Variants in PARD3 observed in about 807,000 individuals in gnomAD.
The protein encoded by PARD3 is partitioning defective 3 homolog.
PARD3 carries 75 observed loss-of-function variants against 155.4 expected under a neutral mutation model. The observed-to-expected ratio is 0.48, with a 90% CI of 0.40 to 0.58. The LOEUF is 0.58. Ranked by LOEUF, PARD3 falls within the 20% of genes least tolerant of loss-of-function variation. The pLI is 0.00. For synonymous variants in PARD3, 576 were observed against 610.5 expected (o/e 0.94, Z 0.83); for missense variants, 1,642 against 1,721.7 (o/e 0.95, Z 0.82).
rs77109087 is a variant in PARD3 at position 34,378,176 on chromosome 10, G to A, written c.1400-70C>T. The A allele has an allele frequency of 3.2e-4, 363 of 1,144,526 alleles. No homozygotes were observed. In the African/African-American group the frequency reaches 5.4e-3, roughly 17 times the overall value. The allele number at this position is 1,144,526 out of a possible 1,614,324, so 70.9% of individuals were successfully genotyped here. A position where few individuals can be genotyped will look rare whatever the true frequency, so the allele number is the denominator to read the frequency against. Reference sequence around the variant, plus strand: ...TGAATTTTACAGGTGTATTGCACCAGTATACTCAACCTCAACTTGACATTT... The same window carrying A: ...TGAATTTTACAGGTGTATTGCACCAATATACTCAACCTCAACTTGACATTT... On this transcript the variant is annotated intron_variant, in intron 9 of 24. Transcript: ENST00000374788.
intron 13 of PARD3, 92 bp downstream of exon 13, chr10:34,359,978 AC>A: frequency 1.1e-6 from 1 of 908,604 alleles, no homozygotes. Flanking sequence ...AAATGAGAAA[AC>A]TTCTGTTAAC....
intron 18 of PARD3, among the ~76,000 whole-genome samples, chr10:34,333,054 CT>C (rs1835784931): frequency 6.6e-6 from 1 of 152,138 alleles, no homozygotes; most frequent in South Asian, 2.1e-4. Context: ...TGTCTATCAA[CT>C]TTCATAATTT....
At chr10:34,533,738 G>A (rs557981834) in intron 2 of PARD3, among the ~76,000 whole-genome samples, 3 of 151,670 alleles carry the variant, frequency 2.0e-5, no homozygotes, top group South Asian at 2.1e-4. Flanking sequence ...CCTGGGAGGC[G>A]GAGGTTACAG....
At chr10:34,430,200 T>C (rs143633877) in intron 5 of PARD3, among the ~76,000 whole-genome samples, 50 of 152,356 alleles carry the variant, frequency 3.3e-4, no homozygotes, top group Non-Finnish European at 5.0e-4. Flanking sequence ...TCTTTTGTTA[T>C]CAAAGGATTT....
At chr10:34,523,608 A>T (rs1169564849) in intron 2 of PARD3, among the ~76,000 whole-genome samples, 1 of 152,186 alleles carries the variant, frequency 6.6e-6, no homozygotes, top group Non-Finnish European at 1.5e-5. Flanking sequence ...GAAGCACAAC[A>T]CAGAAAGTGC....
chr10:34,590,569 A>C (rs2088584504), intron 2 of PARD3, among the ~76,000 whole-genome samples: 1 of 152,184 alleles, frequency 6.6e-6, no homozygotes, highest in African/African-American at 2.4e-5. Context: ...AAAGAACAGC[A>C]AGGGAAACAC....
intron 19 of PARD3, among the ~76,000 whole-genome samples, chr10:34,322,499 G>A (rs1019894467): frequency 6.6e-6 from 1 of 152,134 alleles, no homozygotes; most frequent in African/African-American, 2.4e-5. Context: ...GCAAGTGTTA[G>A]AGCAACTGTG....
At chr10:34,786,803 T>C (rs944136290) in intron 1 of PARD3, among the ~76,000 whole-genome samples, 1 of 152,232 alleles carries the variant, frequency 6.6e-6, no homozygotes, top group African/African-American at 2.4e-5. Context: ...TTTAGGATCC[T>C]ACATATATTT....
At chr10:34,644,345 A>G (rs1220632651) in intron 2 of PARD3, among the ~76,000 whole-genome samples, 2 of 152,184 alleles carry the variant, frequency 1.3e-5, no homozygotes, top group African/African-American at 2.4e-5. Context: ...ATATTTTAAA[A>G]CTGCTTCATA....
At chr10:34,726,126 T>C (rs1286494213) in intron 1 of PARD3, among the ~76,000 whole-genome samples, 1 of 152,226 alleles carries the variant, frequency 6.6e-6, no homozygotes, top group African/African-American at 2.4e-5. Flanking sequence ...ATAACTACTT[T>C]TATACTTAGA....
At chr10:34,185,705 C>T (rs189439320) in intron 22 of PARD3, among the ~76,000 whole-genome samples, 1 of 151,820 alleles carries the variant, frequency 6.6e-6, no homozygotes, top group Admixed American at 6.6e-5. Context: ...GTGCCCACAC[C>T]TCCTACTCGA....
At position 34,704,387 on chromosome 10, in the gene PARD3, A is replaced by G. The variant is rs560213346; in HGVS notation, c.121-7968T>C. On this transcript the variant is annotated intron_variant, in intron 1 of 24. Coordinates refer to ENST00000374788, the MANE Select transcript of PARD3 (RefSeq NM_001184785.2). ...AATGTGAACCTAGAATATTTAATCA[A>G]ATTTGTAACCATATTTTGTAACAAA... is the stretch of plus-strand genomic sequence containing the variant. Among the ~76,000 whole-genome samples, 16 of 152,320 alleles carry G rather than the reference A, an allele frequency of 1.1e-4. No individual in the cohort carries two copies. In the East Asian group the frequency reaches 2.7e-3, roughly 26 times the overall value.
At chr10:34,175,588 G>C (rs1030805357) in intron 22 of PARD3, among the ~76,000 whole-genome samples, 1 of 151,918 alleles carries the variant, frequency 6.6e-6, no homozygotes, top group Non-Finnish European at 1.5e-5. Flanking sequence ...TTTCACCTGG[G>C]GAAAAATATT....
chr10:34,736,641 T>TATTAATTAATTA (rs71486002), intron 1 of PARD3, among the ~76,000 whole-genome samples: 4 of 126,934 alleles, frequency 3.2e-5, no homozygotes, highest in Non-Finnish European at 5.5e-5. Flanking sequence ...TAGGTTACTT[T>TATTAATTAATTA]ATTAATTAAT....
intron 20 of PARD3, among the ~76,000 whole-genome samples, chr10:34,307,613 C>T (rs934565069): frequency 6.6e-6 from 1 of 152,126 alleles, no homozygotes; most frequent in African/African-American, 2.4e-5. Flanking sequence ...TACATTTACA[C>T]TGGCGTTGAA....
chr10:34,712,851 C>A lies in PARD3; in HGVS notation c.121-16432G>T, dbSNP rs147687616. Among the ~76,000 whole-genome samples the A allele has an allele frequency of 9.1e-4, 139 of 152,116 alleles. 1 individual carries two copies. Among genetic ancestry groups the A allele is most frequent in the African/African-American group, 3.2e-3 (134 of 41,490 alleles). On this transcript the variant is annotated intron_variant, in intron 1 of 24. Coordinates refer to ENST00000374788, the MANE Select transcript of PARD3 (RefSeq NM_001184785.2). ...TACCTGGGTGATGGAATCAATCGTA[C>A]CCCAAACCTCAGCATCATGCAATAT...
chr10:34,782,276 T>G (rs946767170), intron 1 of PARD3, among the ~76,000 whole-genome samples: 1 of 152,186 alleles, frequency 6.6e-6, no homozygotes, highest in Non-Finnish European at 1.5e-5. Context: ...AAGGAAAGAC[T>G]GAAGTTCTAA....
chr10:34,206,259 C>T (rs1284253832), intron 22 of PARD3, among the ~76,000 whole-genome samples: 1 of 152,178 alleles, frequency 6.6e-6, no homozygotes. Flanking sequence ...GCTCTAGCGC[C>T]CCTAGCTATT....
chr10:34,541,430 T>C (rs1310257659), intron 2 of PARD3, among the ~76,000 whole-genome samples: 3 of 152,120 alleles, frequency 2.0e-5, no homozygotes, highest in African/African-American at 7.2e-5. Context: ...ACAACAAAAC[T>C]CTCTCATTCT....
Sources: allele counts gnomAD v4.1 joint callset (sites outside exome capture counted in the v4.1 genomes callset), GRCh38; gene constraint gnomAD v4.1.1; transcripts MANE v1.5; gene names NCBI Gene and HGNC (gene_info 2026-07-23, HGNC 2026-07-21).